Variants in SLC20A1 observed in about 807,000 individuals in gnomAD.
SLC20A1 encodes the protein sodium-dependent phosphate transporter 1.
In SLC20A1, 28 loss-of-function variants were observed where a neutral mutation model predicts 62.7. The ratio of observed to expected loss-of-function variants is 0.45; its 90% CI spans 0.33 to 0.61. SLC20A1 has a LOEUF of 0.61. Ranked by LOEUF, SLC20A1 falls within the 20% of genes least tolerant of loss-of-function variation. The pLI is 0.02. For missense variants in SLC20A1, 673 were observed against 838.6 expected (o/e 0.80, Z 2.44); for synonymous variants, 305 against 302.9 (o/e 1.01, Z -0.07).
At chr2:112,646,242 C>T (rs983453434) in intron 1 of SLC20A1, 113 bp downstream of exon 1, 1 of 152,090 alleles carries the variant, frequency 6.6e-6, no homozygotes, top group African/African-American at 2.4e-5. Flanking sequence ...CTCTCTTCGC[C>T]GCTGGCCGCC....
intron 10 of SLC20A1, among the ~76,000 whole-genome samples, chr2:112,662,471 T>C (rs1686776546): frequency 6.6e-6 from 1 of 151,078 alleles, no homozygotes; most frequent in African/African-American, 2.4e-5. Flanking sequence ...ATCCCAGCAC[T>C]TGGGAGGCTG....
intron 4 of SLC20A1, among the ~76,000 whole-genome samples, chr2:112,648,952 T>C (rs958919525): frequency 6.6e-6 from 1 of 152,264 alleles, no homozygotes; most frequent in Non-Finnish European, 1.5e-5. Context: ...CTGTATATCT[T>C]GCTACTTAGC....
intron 2 of SLC20A1, 74 bp from the exon 3 acceptor site, chr2:112,647,250 A>G: frequency 1.0e-5 from 16 of 1,588,030 alleles, no homozygotes; most frequent in Middle Eastern, 1.7e-4. Context: ...AACCTTTCCG[A>G]TTAACCTTTC....
chr2:112,650,489 C>T (rs146169178), intron 4 of SLC20A1, among the ~76,000 whole-genome samples: 1,833 of 151,922 alleles, frequency 0.012, 40 homozygotes, highest in African/African-American at 0.042. Context: ...CCACCACACC[C>T]GGCTAGTATT....
At position 112,659,815 on chromosome 2, in the gene SLC20A1, C is replaced by T; in HGVS notation, c.1607+53C>T. 4.0e-6 allele frequency: 6 copies of T among 1,491,728 alleles called. No homozygotes were observed. The South Asian group carries it at 5.0e-5, about 13-fold the overall frequency. 92.4% of individuals were successfully genotyped at this position (1,491,728 alleles called of 1,614,324 possible). On this transcript the variant is annotated intron_variant, in intron 8 of 10. Coordinates refer to ENST00000272542, the MANE Select transcript of SLC20A1 (RefSeq NM_005415.5). The stretch of plus-strand genomic sequence containing the variant: ...TAACCCTATTTTTAAACCATTTATC[C>T]TTGTCACAGGCCTGTGCTTGTGGTA...
chr2:112,648,586 C>T (rs1470410317), intron 4 of SLC20A1, among the ~76,000 whole-genome samples: 1 of 152,206 alleles, frequency 6.6e-6, no homozygotes, highest in Non-Finnish European at 1.5e-5. Context: ...ACCCACTTGT[C>T]TGGTCTAGTT....
Position 112,652,803 on chromosome 2 carries a change from G to A in SLC20A1, c.658+5G>A. On this transcript the variant is annotated splice_donor_5th_base_variant and intron_variant, in intron 5 of 10. Coordinates refer to ENST00000272542, the MANE Select transcript of SLC20A1 (RefSeq NM_005415.5). Reference sequence around the variant, plus strand: ...TCATGTATACTGGAGCACCGTGTAAGTACCTATCAAAATATTTAAATGTGA... The same window carrying A: ...TCATGTATACTGGAGCACCGTGTAAATACCTATCAAAATATTTAAATGTGA... 1 of 1,612,860 alleles carries A rather than the reference G, an allele frequency of 6.2e-7. No homozygotes were observed. The highest frequency in any genetic ancestry group is 8.5e-7 in the Non-Finnish European group (1 of 1,178,822).
At position 112,657,198 on chromosome 2, in the gene SLC20A1, C is replaced by A; in HGVS notation, c.735C>A (p.Ile245=). 1 of 1,613,920 alleles carries A rather than the reference C, an allele frequency of 6.2e-7. No homozygotes were observed. The highest frequency in any genetic ancestry group is 8.5e-7 in the Non-Finnish European group (1 of 1,179,956). The change falls in exon 6 of 11, where the codon ATC becomes ATA. Residue 245 remains isoleucine, a synonymous_variant. Transcript: ENST00000272542. ...GATGTGCAGTTTTCTGTGCCCTTAT[C>A]GTCTGGTTCTTTGTATGTCCCAGGA... The part of the protein sequence containing the change: ...SVGCAVFCAL[I]VWFFVCPRMK...
At position 112,647,078 on chromosome 2, in the gene SLC20A1, A is replaced by G. The variant is rs1461053513; in HGVS notation, c.250A>G (p.Thr84Ala). 6.2e-7 allele frequency: 1 copy of G among 1,614,128 alleles called. No individual in the cohort carries two copies. The highest frequency in any genetic ancestry group is 2.2e-5 in the East Asian group (1 of 44,884). ...SVLLGAKVSETIRKGLIDVEM... is the reference protein window; with the variant it reads ...SVLLGAKVSEAIRKGLIDVEM... ...CTTACTGGGGGCCAAAGTGAGCGAA[A>G]CCATCCGGAAGGGCTTGATTGACGT... The change falls in exon 2 of 11, where the codon ACC (threonine) becomes GCC (alanine). Residue 84 changes from threonine (T) to alanine (A), a missense_variant. Thr to Ala is a moderately conservative substitution (Grantham distance 58, BLOSUM62 0). Coordinates refer to ENST00000272542, the MANE Select transcript of SLC20A1 (RefSeq NM_005415.5).
At chr2:112,653,584 G>C (rs1049459785) in intron 5 of SLC20A1, among the ~76,000 whole-genome samples, 1 of 152,020 alleles carries the variant, frequency 6.6e-6, no homozygotes, top group Non-Finnish European at 1.5e-5. Flanking sequence ...TATGTAGAGA[G>C]AAAGATAACT....
Position 112,661,618 on chromosome 2 carries a change from G to A in SLC20A1, c.1878+392G>A, listed in dbSNP as rs540909963. Among the ~76,000 whole-genome samples, 6 of 152,070 alleles carry A rather than the reference G, an allele frequency of 3.9e-5. No homozygotes were observed. In the South Asian group the frequency reaches 1.2e-3, roughly 32 times the overall value. On this transcript the variant is annotated intron_variant, in intron 10 of 10. Coordinates refer to ENST00000272542, the MANE Select transcript of SLC20A1 (RefSeq NM_005415.5). ...GGCTGGAGTTCAGTGGCACAATCTC[G>A]GCTCATTGCAACCTCCGCCTCCTGG...
In SLC20A1 at chr2:112,659,408, A is replaced by G; in HGVS notation, c.1253A>G (p.Tyr418Cys). ...AAACCCTTAAGGCGCAATAATAGCTATACTTCCTATACCATGGCAATATGT... is the reference window on the plus strand; with the variant it reads ...AAACCCTTAAGGCGCAATAATAGCTGTACTTCCTATACCATGGCAATATGT... ...GDKPLRRNNSYTSYTMAICGM... is the reference protein window; with the variant it reads ...GDKPLRRNNSCTSYTMAICGM... Residue 418 changes from tyrosine (Y) to cysteine (C), a missense_variant, in exon 8 of 11, where the codon TAT (tyrosine) becomes TGT (cysteine). Physicochemically the swap from Tyr to Cys is radical, Grantham distance 194. Transcript: ENST00000272542. The G allele has an allele frequency of 1.2e-6, 2 of 1,614,180 alleles. No homozygotes were observed. The highest frequency in any genetic ancestry group is 8.5e-7 in the Non-Finnish European group (1 of 1,180,044).
At chr2:112,649,021 A>G (rs1271718299) in intron 4 of SLC20A1, among the ~76,000 whole-genome samples, 1 of 152,156 alleles carries the variant, frequency 6.6e-6, no homozygotes, top group African/African-American at 2.4e-5. Context: ...GTAAAGGTTT[A>G]TGCTGGCCCT....
rs1044887267 is a variant in SLC20A1, at chr2:112,648,014, T to C, written c.561+276T>C. Among the ~76,000 whole-genome samples the C allele has an allele frequency of 2.0e-5, 3 of 152,346 alleles. No individual in the cohort carries two copies. The East Asian group carries it at 5.8e-4, about 29-fold the overall frequency. On this transcript the variant is annotated intron_variant, in intron 4 of 10. Transcript: ENST00000272542. The stretch of plus-strand genomic sequence containing the variant: ...AAAAAATAAGGAAATTTATTTTGCG[T>C]GGTTTTGTGTAGCTGTATACACATT...
intron 4 of SLC20A1, among the ~76,000 whole-genome samples, chr2:112,650,425 C>T (rs540265067): frequency 2.0e-5 from 3 of 151,374 alleles, no homozygotes; most frequent in African/African-American, 4.9e-5. Flanking sequence ...CTCCGCCTCT[C>T]GGGCTCAAGC....
chr2:112,649,366 C>G (rs1558690420), intron 4 of SLC20A1, among the ~76,000 whole-genome samples: 1 of 152,226 alleles, frequency 6.6e-6, no homozygotes, highest in Admixed American at 6.5e-5. Context: ...CACACACACT[C>G]TTGCAGGCCA....
intron 4 of SLC20A1, among the ~76,000 whole-genome samples, chr2:112,648,078 AC>A (rs149141501): frequency 0.01 from 1,599 of 152,324 alleles, 31 homozygotes; most frequent in African/African-American, 0.036. Context: ...CTAATATAAT[AC>A]GTAAACTTGG....
intron 4 of SLC20A1, chr2:112,652,095 C>T (rs1686457718): frequency 6.5e-6 from 1 of 152,744 alleles, no homozygotes; most frequent in East Asian, 1.9e-4. Context: ...TCTATTAGAA[C>T]AGGAACTTGG....
chr2:112,652,558 C>T (rs1686471626), intron 4 of SLC20A1, 144 bp from the exon 5 acceptor site: 2 of 631,678 alleles, frequency 3.2e-6, no homozygotes, highest in Non-Finnish European at 5.5e-6. Flanking sequence ...GATGCAAATG[C>T]AGGAAAAACT....
Sources: gnomAD v4.1 joint callset for allele counts (sites outside exome capture counted in the v4.1 genomes callset) on GRCh38, gnomAD v4.1.1 for gene constraint, MANE v1.5 for transcripts, NCBI Gene and HGNC (gene_info 2026-07-23, HGNC 2026-07-21) for gene names.